Variants in SGCD observed in about 807,000 individuals in gnomAD.
SGCD encodes the protein delta-sarcoglycan.
In SGCD, 18 loss-of-function variants were observed where a neutral mutation model predicts 36.6. The ratio of observed to expected loss-of-function variants is 0.49; its 90% CI spans 0.34 to 0.73. The LOEUF (loss-of-function observed/expected upper bound fraction) is 0.73. Among genes scored for constraint, SGCD ranks in the 30% least tolerant of loss-of-function variants. The probability of loss-of-function intolerance (pLI) is 0.01; values close to 1 mark genes in which losing one functional copy is unlikely to be tolerated. For missense variants in SGCD, 387 were observed against 346.7 expected, an observed-to-expected ratio of 1.12 and a Z score of -0.92; for synonymous variants, 133 against 130.6, an observed-to-expected ratio of 1.02 and a Z score of -0.12.
At chr5:156,732,926 C>G (rs1261255915) in intron 7 of SGCD, among the ~76,000 whole-genome samples, 1 of 152,006 alleles carries the variant, frequency 6.6e-6, no homozygotes, top group Non-Finnish European at 1.5e-5. Flanking sequence ...TAACATCTCC[C>G]TTGTCGTTTC....
intron 7 of SGCD, among the ~76,000 whole-genome samples, chr5:156,663,022 A>G (rs1763992730): frequency 6.6e-6 from 1 of 150,510 alleles, no homozygotes; most frequent in Non-Finnish European, 1.5e-5. Context: ...CCTCAACTGG[A>G]ACTTTAATGC....
intron 3 of SGCD, among the ~76,000 whole-genome samples, chr5:156,278,589 T>C (rs1766376497): frequency 6.6e-6 from 1 of 152,206 alleles, no homozygotes; most frequent in African/African-American, 2.4e-5. Context: ...GAATGGGAAC[T>C]CAAGTCACTG....
chr5:156,504,390 GTGTATATA>G (rs55926408), intron 3 of SGCD, among the ~76,000 whole-genome samples: 32,074 of 125,522 alleles, frequency 0.26, 3,731 homozygotes, highest in African/African-American at 0.28. Context: ...GGGTGTGTGT[GTGTATATA>G]TATATATATA....
chr5:156,006,744 G>C (rs577238721), intron 1 of SGCD, among the ~76,000 whole-genome samples: 7 of 152,250 alleles, frequency 4.6e-5, no homozygotes, highest in African/African-American at 1.7e-4. Context: ...GCTCTAAAAT[G>C]TTAATCTATT....
chr5:156,132,417 C>T (rs1444765254), intron 3 of SGCD, among the ~76,000 whole-genome samples: 2 of 149,246 alleles, frequency 1.3e-5, no homozygotes, highest in Non-Finnish European at 3.0e-5. Context: ...TATTTTTGTG[C>T]CTCACAGCAC....
At chr5:155,846,682 A>G in the SGCD span, among the ~76,000 whole-genome samples, 3 of 152,214 alleles carry the variant, frequency 2.0e-5, no homozygotes, top group Admixed American at 2.0e-4. Context: ...CCATCTAATC[A>G]TGCAATTTCT....
At chr5:156,342,021 T>C (rs1256308829) in intron 2 of SGCD, among the ~76,000 whole-genome samples, 2 of 152,176 alleles carry the variant, frequency 1.3e-5, no homozygotes, top group East Asian at 1.9e-4. Flanking sequence ...TGAGTACAAA[T>C]GTTTTTAACA....
At chr5:156,160,058 A>G (rs763502555) in intron 3 of SGCD, among the ~76,000 whole-genome samples, 3 of 151,646 alleles carry the variant, frequency 2.0e-5, no homozygotes, top group Non-Finnish European at 4.4e-5. Flanking sequence ...TTCAGTCAGT[A>G]TAATTCACGA....
chr5:156,183,653 C>T (rs528004966), intron 3 of SGCD, among the ~76,000 whole-genome samples: 6 of 152,270 alleles, frequency 3.9e-5, no homozygotes, highest in African/African-American at 1.2e-4. Flanking sequence ...AGTGATCTGC[C>T]CACCTTGGCT....
chr5:155,795,144 G>T, the SGCD span, among the ~76,000 whole-genome samples: 1 of 152,082 alleles, frequency 6.6e-6, no homozygotes, highest in African/African-American at 2.4e-5. Flanking sequence ...CTGAAATAAT[G>T]TATCACTGTC....
intron 4 of SGCD, among the ~76,000 whole-genome samples, chr5:156,534,169 C>T (rs1180973914): frequency 2.3e-5 from 3 of 132,318 alleles, no homozygotes; most frequent in Non-Finnish European, 4.9e-5. Flanking sequence ...TCTGTATGGA[C>T]ATCATTCTTT....
At chr5:156,494,473 T>G (rs1286881519) in intron 3 of SGCD, among the ~76,000 whole-genome samples, 1 of 152,026 alleles carries the variant, frequency 6.6e-6, no homozygotes, top group Non-Finnish European at 1.5e-5. Flanking sequence ...AAAAAAAAAT[T>G]ATTTAAGTTT....
At chr5:155,997,957 T>C (rs10040967) in intron 1 of SGCD, among the ~76,000 whole-genome samples, 8,268 of 152,288 alleles carry the variant, frequency 0.054, 722 homozygotes, top group African/African-American at 0.18. Flanking sequence ...TCCCATTGCT[T>C]ATTCATAGCG....
the SGCD span, among the ~76,000 whole-genome samples, chr5:155,834,654 A>G: frequency 1.3e-5 from 2 of 152,124 alleles, no homozygotes; most frequent in Non-Finnish European, 2.9e-5. Flanking sequence ...ACGTTTGACA[A>G]TTCTTTCGTG....
intron 1 of SGCD, among the ~76,000 whole-genome samples, chr5:156,083,285 T>C (rs1299181536): frequency 6.6e-6 from 1 of 151,850 alleles, no homozygotes; most frequent in African/African-American, 2.4e-5. Context: ...ATTAAATTTA[T>C]CATTTTTTTC....
chr5:156,267,118 TG>T (rs1766020741), intron 3 of SGCD, among the ~76,000 whole-genome samples: 2 of 152,136 alleles, frequency 1.3e-5, no homozygotes, highest in Admixed American at 6.6e-5. Context: ...ATTTGTAAGA[TG>T]GGGGTATCAA....
At chr5:155,777,506 G>A in the SGCD span, among the ~76,000 whole-genome samples, 6 of 151,974 alleles carry the variant, frequency 3.9e-5, no homozygotes, top group Non-Finnish European at 7.4e-5. Flanking sequence ...ATAGGCACAT[G>A]CCACCACACC....
chr5:156,058,135 C>T (rs533861016), intron 1 of SGCD, among the ~76,000 whole-genome samples: 2 of 145,928 alleles, frequency 1.4e-5, no homozygotes, highest in South Asian at 4.3e-4. Flanking sequence ...CACACCAAAA[C>T]TTATGTTTAT....
chr5:156,719,468 C>T (rs897766362), intron 7 of SGCD, among the ~76,000 whole-genome samples: 1 of 151,976 alleles, frequency 6.6e-6, no homozygotes, highest in Non-Finnish European at 1.5e-5. Flanking sequence ...CGTGTCCTAG[C>T]CAAGTTTACA....
Sources: allele counts gnomAD v4.1 joint callset (sites outside exome capture counted in the v4.1 genomes callset), GRCh38; gene constraint gnomAD v4.1.1; transcripts MANE v1.5; gene names NCBI Gene and HGNC (gene_info 2026-07-23, HGNC 2026-07-21).